The following YEATS2 variants were observed in gnomAD, a reference collection of about 807,000 sequenced individuals.
YEATS2 encodes the protein YEATS domain-containing protein 2.
In YEATS2, 77 loss-of-function variants were observed where a neutral mutation model predicts 163.2. That is an observed-to-expected ratio of 0.47 (90% CI 0.39 to 0.57). The LOEUF (loss-of-function observed/expected upper bound fraction) is 0.57. Among genes scored for constraint, YEATS2 ranks in the 20% least tolerant of loss-of-function variants. YEATS2 has a pLI of 0.00. For synonymous variants in YEATS2, 631 were observed against 645.1 expected (o/e 0.98, Z 0.33); for missense variants, 1,549 against 1,729.8 (o/e 0.90, Z 1.85).
At chr3:183,778,301 A>G (rs756738659) in intron 19 of YEATS2, among the ~76,000 whole-genome samples, 1 of 152,232 alleles carries the variant, frequency 6.6e-6, no homozygotes, top group Admixed American at 6.5e-5. Context: ...TGTGATAGCA[A>G]AGACAAAATG....
In YEATS2 at chr3:183,745,504, C is replaced by G. The variant is rs535960584; in HGVS notation, c.925-2168C>G. On this transcript the variant is annotated intron_variant, in intron 8 of 30. Transcript: ENST00000305135. Reference sequence around the variant, plus strand: ...GCTCTTCCCCTCCTCAGATGCTTGTCTGAATTCTTTGCATTCTTCAAGTTC... The same window carrying G: ...GCTCTTCCCCTCCTCAGATGCTTGTGTGAATTCTTTGCATTCTTCAAGTTC... 2.6e-5 allele frequency among the ~76,000 whole-genome samples: 4 copies of G among 152,258 alleles called. No individual in the cohort carries two copies. In the East Asian group the frequency reaches 7.7e-4, roughly 29 times the overall value.
At chr3:183,715,012 C>T in intron 1 of YEATS2, 132 bp from the exon 2 acceptor site, 1 of 542,520 alleles carries the variant, frequency 1.8e-6, no homozygotes, top group Admixed American at 3.2e-5. Context: ...TTGCAAGTAC[C>T]AGTATTAATG....
chr3:183,804,768 A>T (rs899849168), intron 27 of YEATS2, among the ~76,000 whole-genome samples: 1 of 150,760 alleles, frequency 6.6e-6, no homozygotes, highest in Non-Finnish European at 1.5e-5. Flanking sequence ...CGGGTGGATC[A>T]TGAGGTCAGG....
At chr3:183,703,922 A>G (rs1344907323) in intron 1 of YEATS2, among the ~76,000 whole-genome samples, 1 of 152,072 alleles carries the variant, frequency 6.6e-6, no homozygotes, top group Non-Finnish European at 1.5e-5. Flanking sequence ...GCACTTTGGG[A>G]GGCTGAGGCA....
At chr3:183,752,845 T>TG (rs1720331221) in intron 10 of YEATS2, among the ~76,000 whole-genome samples, 1 of 151,908 alleles carries the variant, frequency 6.6e-6, no homozygotes, top group Non-Finnish European at 1.5e-5. Flanking sequence ...TTGCCCAGGC[T>TG]GGAGTGCAGT....
At chr3:183,718,684 C>T (rs773233419) in intron 4 of YEATS2, 92 bp downstream of exon 4, 27 of 1,027,484 alleles carry the variant, frequency 2.6e-5, no homozygotes, top group Non-Finnish European at 3.2e-5. Context: ...GCATCTGAAA[C>T]ATTTCTTTCT....
At chr3:183,801,382 T>G in intron 24 of YEATS2, 73 bp from the exon 25 acceptor site, 1 of 1,030,416 alleles carries the variant, frequency 9.7e-7, no homozygotes, top group Non-Finnish European at 1.4e-6. Flanking sequence ...ATTAAGTACA[T>G]GGCATATATA....
At chr3:183,773,839 A>C in intron 17 of YEATS2, 45 bp downstream of exon 17, 1 of 1,557,988 alleles carries the variant, frequency 6.4e-7, no homozygotes, top group Non-Finnish European at 8.6e-7. Flanking sequence ...TTGGTTCTCT[A>C]TGTGTGTTCA....
intron 7 of YEATS2, among the ~76,000 whole-genome samples, chr3:183,735,797 G>A (rs1053032275): frequency 2.0e-5 from 3 of 151,774 alleles, no homozygotes; most frequent in South Asian, 2.1e-4. Flanking sequence ...AGCGATTGTC[G>A]TGGCCTCTCA....
chr3:183,742,682 A>T (rs1215369256), intron 8 of YEATS2, among the ~76,000 whole-genome samples: 1 of 151,824 alleles, frequency 6.6e-6, no homozygotes, highest in East Asian at 1.9e-4. Flanking sequence ...AATATTACAT[A>T]AACTTACTTA....
rs751764604 is a variant in YEATS2 at position 183,724,522 on chromosome 3, A to G, written c.641A>G (p.Asn214Ser). 1.9e-6 allele frequency: 3 copies of G among 1,607,158 alleles called. No homozygotes were observed. Among genetic ancestry groups the G allele is most frequent in the South Asian group, 1.1e-5 (1 of 90,500 alleles). ...LFVKKTIVVG[N>S]VSKYIPPDKR... ...GTAAAGAAAACAATAGTAGTGGGCA[A>G]TGTGTCCAAGTGAGTATCCAGTTGA... Residue 214 changes from asparagine to serine, a missense_variant, in exon 6 of 31, where the codon AAT becomes AGT. By Grantham distance (46) the Asn-to-Ser change is conservative. Transcript: ENST00000305135.
At chr3:183,768,891 GA>G (rs988930353) in intron 15 of YEATS2, among the ~76,000 whole-genome samples, 7 of 152,198 alleles carry the variant, frequency 4.6e-5, no homozygotes, top group African/African-American at 9.6e-5. Flanking sequence ...AGAATTGCTT[GA>G]ACCCAGGAGG....
intron 12 of YEATS2, among the ~76,000 whole-genome samples, chr3:183,757,605 G>A (rs953620227): frequency 1.3e-5 from 2 of 152,188 alleles, no homozygotes; most frequent in Non-Finnish European, 2.9e-5. Context: ...TTAAACACAC[G>A]CTCCTAACTA....
intron 8 of YEATS2, among the ~76,000 whole-genome samples, chr3:183,742,826 A>G (rs1017071465): frequency 6.6e-6 from 1 of 152,234 alleles, no homozygotes; most frequent in African/African-American, 2.4e-5. Context: ...AGGCAGCAGA[A>G]TTCATTGTTG....
At chr3:183,791,080 C>A in intron 21 of YEATS2, 100 bp downstream of exon 21, 1 of 1,464,210 alleles carries the variant, frequency 6.8e-7, no homozygotes, top group Non-Finnish European at 9.3e-7. Context: ...GTCGCCCAAG[C>A]TAGAGTGCAA....
chr3:183,720,110 A>G (rs775316879), intron 4 of YEATS2, among the ~76,000 whole-genome samples: 8 of 152,092 alleles, frequency 5.3e-5, no homozygotes, highest in Admixed American at 1.3e-4. Flanking sequence ...TGTGTACTTG[A>G]TATTCTAGCA....
At chr3:183,742,598 T>C (rs911509476) in intron 8 of YEATS2, among the ~76,000 whole-genome samples, 2 of 152,246 alleles carry the variant, frequency 1.3e-5, no homozygotes, top group Admixed American at 6.5e-5. Flanking sequence ...GCAAAGTAAG[T>C]GGCTTCTTGA....
At position 183,791,776 on chromosome 3, in the gene YEATS2, G is replaced by A. The variant is rs1460923663; in HGVS notation, c.3097+796G>A. On this transcript the variant is annotated intron_variant, in intron 21 of 30. Coordinates refer to ENST00000305135, the MANE Select transcript of YEATS2 (RefSeq NM_018023.5). ...TTGGCTAGTGTTAGAGTGATAGGCTGGAGATCCAGTAAGAGCTATGGTGTC... is the reference window on the plus strand; with the variant it reads ...TTGGCTAGTGTTAGAGTGATAGGCTAGAGATCCAGTAAGAGCTATGGTGTC... Among the ~76,000 whole-genome samples, 3 of 152,170 alleles carry A rather than the reference G, an allele frequency of 2.0e-5. No homozygotes were observed. In the East Asian group the frequency reaches 5.8e-4, roughly 29 times the overall value.
intron 2 of YEATS2, among the ~76,000 whole-genome samples, chr3:183,717,433 A>G (rs935618324): frequency 6.6e-6 from 1 of 152,128 alleles, no homozygotes; most frequent in Non-Finnish European, 1.5e-5. Context: ...AATACCATAG[A>G]ATGGTGTCTT....
Sources: gnomAD v4.1 joint callset for allele counts (sites outside exome capture counted in the v4.1 genomes callset) on GRCh38, gnomAD v4.1.1 for gene constraint, MANE v1.5 for transcripts, NCBI Gene and HGNC (gene_info 2026-07-23, HGNC 2026-07-21) for gene names.